The following CFAP47 variants were observed in gnomAD, a reference collection of about 807,000 sequenced individuals.
CFAP47 encodes cilia and flagella associated protein 47.
A neutral mutation model predicts 148.1 loss-of-function variants in CFAP47; 29 were observed. That is an observed-to-expected ratio of 0.20 (90% CI 0.15 to 0.27). The LOEUF (loss-of-function observed/expected upper bound fraction) is 0.27. CFAP47 is among the 10% of genes least tolerant of loss of function. CFAP47 has a pLI of 1.00. For missense variants in CFAP47, 1,872 were observed against 1,697.5 expected, an observed-to-expected ratio of 1.10 and a Z score of -1.81; for synonymous variants, 664 against 577.3, an observed-to-expected ratio of 1.15 and a Z score of -2.15.
chrX:36,116,090 G>T (rs1363083805), intron 33 of CFAP47, among the ~76,000 whole-genome samples: 1 of 111,673 alleles, frequency 9.0e-6, no homozygotes, highest in Admixed American at 9.5e-5. Context: ...AGATTCAGAG[G>T]GGACTTGTGC....
intron 26 of CFAP47, among the ~76,000 whole-genome samples, chrX:36,061,073 G>A (rs1937590041): frequency 9.0e-6 from 1 of 110,844 alleles, no homozygotes; most frequent in Admixed American, 9.6e-5. Flanking sequence ...TGGATCAAGG[G>A]GGTAGATTTC....
At chrX:36,146,778 C>CTTTTTTTTT (rs568139660) in intron 36 of CFAP47, among the ~76,000 whole-genome samples, 1 of 87,789 alleles carries the variant, frequency 1.1e-5, no homozygotes, top group African/African-American at 4.5e-5. Flanking sequence ...TATTTCTTTT[C>CTTTTTTTTT]TTTTTTTTTT....
intron 21 of CFAP47, among the ~76,000 whole-genome samples, chrX:36,005,617 C>T (rs1936972935): frequency 9.0e-6 from 1 of 111,720 alleles, no homozygotes; most frequent in South Asian, 3.7e-4. Flanking sequence ...AACTATGTTG[C>T]AGTAAGTCTA....
At chrX:35,944,812 T>G (rs981915813) in intron 3 of CFAP47, among the ~76,000 whole-genome samples, 21 of 111,588 alleles carry the variant, frequency 1.9e-4, no homozygotes, top group African/African-American at 6.8e-4. Context: ...TCACACAGAT[T>G]TGTGTGAGGG....
At chrX:36,179,062 C>T (rs776193529) in intron 39 of CFAP47, among the ~76,000 whole-genome samples, 12 of 112,222 alleles carry the variant, frequency 1.1e-4, no homozygotes, top group Non-Finnish European at 1.9e-4. Context: ...ATAATTTGAC[C>T]AGTCACTTAT....
intron 24 of CFAP47, among the ~76,000 whole-genome samples, chrX:36,037,119 G>C (rs992399184): frequency 4.5e-5 from 5 of 111,484 alleles, no homozygotes; most frequent in Non-Finnish European, 7.5e-5. Flanking sequence ...TGGTTTGAAA[G>C]AAATAGCACA....
At chrX:36,221,815 T>C (rs185875549) in intron 45 of CFAP47, among the ~76,000 whole-genome samples, 1 of 111,268 alleles carries the variant, frequency 9.0e-6, no homozygotes, top group Admixed American at 9.6e-5. Flanking sequence ...ATTCTCAAAA[T>C]GTATAAAGCC....
At chrX:35,933,429 C>CGTGTATA (rs1162991601) in intron 2 of CFAP47, among the ~76,000 whole-genome samples, 34 of 111,891 alleles carry the variant, frequency 3.0e-4, no homozygotes, top group Admixed American at 2.7e-3. Context: ...AGTACTTCAT[C>CGTGTATA]GTGTATATGT....
In CFAP47 at chrX:36,075,493, T is replaced by C. The variant is rs186904386; in HGVS notation, c.4691+2129T>C. Among the ~76,000 whole-genome samples the C allele has an allele frequency of 6.2e-5, 7 of 112,125 alleles. No individual in the cohort carries two copies. The East Asian group carries it at 1.4e-3, about 22-fold the overall frequency. Reference sequence around the variant, plus strand: ...CACCTGCCTTGGCATCCCAAAGTGCTGGGATTACAGGCATGAGCCACTGCG... The same window carrying C: ...CACCTGCCTTGGCATCCCAAAGTGCCGGGATTACAGGCATGAGCCACTGCG... On this transcript the variant is annotated intron_variant, in intron 29 of 63. Coordinates refer to ENST00000378653, the MANE Select transcript of CFAP47 (RefSeq NM_001304548.2).
intron 50 of CFAP47, among the ~76,000 whole-genome samples, chrX:36,282,702 G>A (rs781840276): frequency 5.4e-5 from 6 of 111,594 alleles, no homozygotes; most frequent in Non-Finnish European, 9.4e-5. Flanking sequence ...TTAACCTTCC[G>A]AATAGGGAAA....
At chrX:36,353,313 A>AGT (rs1941758357) in intron 59 of CFAP47, among the ~76,000 whole-genome samples, 1 of 111,154 alleles carries the variant, frequency 9.0e-6, no homozygotes, top group East Asian at 2.8e-4. Context: ...TGCTATTTTT[A>AGT]CATAGTCTTT....
intron 44 of CFAP47, 56 bp from the exon 45 acceptor site, chrX:36,204,901 T>A: frequency 3.4e-6 from 1 of 295,758 alleles, no homozygotes. Flanking sequence ...CTGTCTTTTG[T>A]GTTTTGGAGG....
At chrX:36,172,688 G>A (rs1294843554) in intron 39 of CFAP47, among the ~76,000 whole-genome samples, 2 of 111,303 alleles carry the variant, frequency 1.8e-5, no homozygotes, top group Non-Finnish European at 3.8e-5. Context: ...ATGTGCTGCT[G>A]GATTCGGTTT....
intron 48 of CFAP47, among the ~76,000 whole-genome samples, chrX:36,243,647 GTATATATATATATA>G (rs58640112): frequency 2.5e-4 from 16 of 64,252 alleles, no homozygotes; most frequent in South Asian, 1.1e-3. Flanking sequence ...ATATGTGTGT[GTATATATATATATA>G]TATATATATA....
At position 36,046,455 on chromosome X, in the gene CFAP47, T is replaced by C. The variant is rs1013062118; in HGVS notation, c.4008-399T>C. ...ATTTTCAAATATCTACCTACATGTA[T>C]ATGCATCTGTTATTATTATTCAGTC... On this transcript the variant is annotated intron_variant, in intron 25 of 63. Transcript: ENST00000378653. Among the ~76,000 whole-genome samples the C allele has an allele frequency of 5.8e-4, 65 of 111,155 alleles. 1 individual carries two copies. The highest frequency in any genetic ancestry group is 5.2e-3 in the Admixed American group (54 of 10,430).
At chrX:36,063,065 T>C (rs1309457786) in intron 26 of CFAP47, among the ~76,000 whole-genome samples, 1 of 111,897 alleles carries the variant, frequency 8.9e-6, no homozygotes, top group Non-Finnish European at 1.9e-5. Context: ...ATTCTGATTT[T>C]TACCCAGTAG....
chrX:35,984,200 G>C (rs1334079131), intron 15 of CFAP47, among the ~76,000 whole-genome samples: 1 of 111,333 alleles, frequency 9.0e-6, no homozygotes, highest in Non-Finnish European at 1.9e-5. Flanking sequence ...GATGTTGTAT[G>C]TTTCCAGGAA....
intron 1 of CFAP47, among the ~76,000 whole-genome samples, chrX:35,921,727 G>T (rs1339042102): frequency 2.7e-5 from 3 of 111,425 alleles, no homozygotes; most frequent in Non-Finnish European, 5.7e-5. Flanking sequence ...ACTATGAAAT[G>T]CACTCCTGAT....
intron 15 of CFAP47, among the ~76,000 whole-genome samples, chrX:35,980,474 G>A (rs982672111): frequency 9.0e-6 from 1 of 111,535 alleles, no homozygotes; most frequent in Non-Finnish European, 1.9e-5. Flanking sequence ...GGAAAAAGCT[G>A]TTCCGTAACC....
Sources: allele counts gnomAD v4.1 joint callset (sites outside exome capture counted in the v4.1 genomes callset), GRCh38; gene constraint gnomAD v4.1.1; transcripts MANE v1.5; gene names NCBI Gene and HGNC (gene_info 2026-07-23, HGNC 2026-07-21).